Variants in RPS6KC1 observed in about 807,000 individuals in gnomAD.
RPS6KC1 encodes ribosomal protein S6 kinase C1, also known as inactive ribosomal protein S6 kinase delta-1.
A neutral mutation model predicts 103.8 loss-of-function variants in RPS6KC1; 54 were observed. That is an observed-to-expected ratio of 0.52 (90% CI 0.42 to 0.65). RPS6KC1 has a LOEUF of 0.65. Ranked by LOEUF, RPS6KC1 falls within the 30% of genes least tolerant of loss-of-function variation. The pLI is 0.00. For missense variants in RPS6KC1, 1,151 were observed against 1,253.8 expected (o/e 0.92, Z 1.24); for synonymous variants, 439 against 438.7 (o/e 1.00, Z -0.01).
At chr1:213,517,289 C>G in the RPS6KC1 span, among the ~76,000 whole-genome samples, 8 of 151,952 alleles carry the variant, frequency 5.3e-5, no homozygotes, top group Non-Finnish European at 8.8e-5. Flanking sequence ...TGTGTTTGCT[C>G]TTGCTTCTCT....
chr1:213,057,752 C>CTTTTTTTTTTTTTTTTTTTTTTTTTT (rs869259657), intron 1 of RPS6KC1, among the ~76,000 whole-genome samples: 1 of 73,664 alleles, frequency 1.4e-5, no homozygotes, highest in African/African-American at 5.1e-5. Context: ...TCTGAAGTAT[C>CTTTTTTTTTTTTTTTTTTTTTTTTTT]TTTTTTTTTT....
At chr1:213,512,423 A>G in the RPS6KC1 span, among the ~76,000 whole-genome samples, 1 of 152,194 alleles carries the variant, frequency 6.6e-6, no homozygotes, top group Non-Finnish European at 1.5e-5. Flanking sequence ...ATAAACTGAG[A>G]AGACTCAGCC....
chr1:213,606,016 A>G, the RPS6KC1 span, among the ~76,000 whole-genome samples: 1 of 152,246 alleles, frequency 6.6e-6, no homozygotes, highest in African/African-American at 2.4e-5. Context: ...CGCTTCCTGT[A>G]CATAAGGAAT....
the RPS6KC1 span, among the ~76,000 whole-genome samples, chr1:213,381,058 C>T: frequency 6.6e-6 from 1 of 152,180 alleles, no homozygotes; most frequent in Non-Finnish European, 1.5e-5. Context: ...AAACTGCTTT[C>T]TTAACGATTG....
chr1:213,640,958 C>T, the RPS6KC1 span, among the ~76,000 whole-genome samples: 2 of 151,844 alleles, frequency 1.3e-5, no homozygotes, highest in Non-Finnish European at 2.9e-5. Context: ...TACTAATTTG[C>T]TTATTTCTTC....
chr1:213,752,814 T>C, the RPS6KC1 span, among the ~76,000 whole-genome samples: 1 of 152,184 alleles, frequency 6.6e-6, no homozygotes, highest in South Asian at 2.1e-4. Flanking sequence ...CTGATCTTTC[T>C]CTCAGGTCTT....
the RPS6KC1 span, among the ~76,000 whole-genome samples, chr1:213,282,951 G>T: frequency 6.6e-6 from 1 of 152,172 alleles, no homozygotes; most frequent in African/African-American, 2.4e-5. Context: ...GAGAAACTAA[G>T]GTCCTAGGAA....
the RPS6KC1 span, among the ~76,000 whole-genome samples, chr1:213,404,129 C>T: frequency 1.1e-4 from 16 of 152,232 alleles, no homozygotes; most frequent in African/African-American, 2.9e-4. Flanking sequence ...AGCTCCTGTG[C>T]GTAGATAACA....
the RPS6KC1 span, among the ~76,000 whole-genome samples, chr1:213,572,356 C>T: frequency 6.6e-6 from 1 of 152,190 alleles, no homozygotes; most frequent in Non-Finnish European, 1.5e-5. Context: ...GCTATTCCTC[C>T]CTTCCACAGG....
At chr1:213,499,345 T>C in the RPS6KC1 span, among the ~76,000 whole-genome samples, 33 of 152,302 alleles carry the variant, frequency 2.2e-4, no homozygotes, top group East Asian at 4.2e-3. Context: ...GTGAACACCA[T>C]GGAGCCCCGG....
chr1:213,299,067 A>G, the RPS6KC1 span, among the ~76,000 whole-genome samples: 1 of 152,206 alleles, frequency 6.6e-6, no homozygotes, highest in Non-Finnish European at 1.5e-5. Context: ...ATCTGTCTCT[A>G]GCAACATGTG....
chr1:213,480,631 A>G, the RPS6KC1 span, among the ~76,000 whole-genome samples: 52 of 152,234 alleles, frequency 3.4e-4, 2 homozygotes, highest in South Asian at 6.4e-3. Flanking sequence ...GATAAAGGTC[A>G]TATACCAAAA....
At chr1:213,566,264 A>G in the RPS6KC1 span, among the ~76,000 whole-genome samples, 1 of 152,030 alleles carries the variant, frequency 6.6e-6, no homozygotes, top group Non-Finnish European at 1.5e-5. Context: ...TGTCAGTCTA[A>G]TAATTATTCC....
chr1:213,243,051 A>T (rs1459810969), intron 12 of RPS6KC1, among the ~76,000 whole-genome samples: 1 of 151,952 alleles, frequency 6.6e-6, no homozygotes, highest in Non-Finnish European at 1.5e-5. Context: ...GCTGGAATGC[A>T]GTGGTGCTGT....
At chr1:213,354,107 C>T in the RPS6KC1 span, among the ~76,000 whole-genome samples, 1 of 152,220 alleles carries the variant, frequency 6.6e-6, no homozygotes, top group African/African-American at 2.4e-5. Flanking sequence ...TGTCTTGGCA[C>T]CATTCCTCTC....
intron 8 of RPS6KC1, among the ~76,000 whole-genome samples, chr1:213,218,286 T>G (rs2093724502): frequency 6.6e-6 from 1 of 152,004 alleles, no homozygotes; most frequent in Non-Finnish European, 1.5e-5. Context: ...TCAAAGAGAT[T>G]AAAATACCTA....
chr1:213,541,278 C>A, the RPS6KC1 span, among the ~76,000 whole-genome samples: 2 of 150,876 alleles, frequency 1.3e-5, no homozygotes, highest in South Asian at 4.3e-4. Context: ...AGCCCCCAAA[C>A]AATTACAATG....
chr1:213,701,580 T>C, the RPS6KC1 span, among the ~76,000 whole-genome samples: 1 of 152,050 alleles, frequency 6.6e-6, no homozygotes, highest in Admixed American at 6.6e-5. Context: ...ATTATGGCTT[T>C]GATCTCATTA....
chr1:213,817,424 GC>G, the RPS6KC1 span, among the ~76,000 whole-genome samples: 2,386 of 152,294 alleles, frequency 0.016, 60 homozygotes, highest in African/African-American at 0.055. Flanking sequence ...TTCCTACAAG[GC>G]ACTGGAGGTA....
Sources: gnomAD v4.1 joint callset for allele counts (sites outside exome capture counted in the v4.1 genomes callset) on GRCh38, gnomAD v4.1.1 for gene constraint, MANE v1.5 for transcripts, NCBI Gene and HGNC (gene_info 2026-07-23, HGNC 2026-07-21) for gene names.